Variants in NFIB observed in about 807,000 individuals in gnomAD.
The protein encoded by NFIB is nuclear factor 1 B-type.
NFIB carries 11 observed loss-of-function variants against 61.5 expected under a neutral mutation model. The observed-to-expected ratio is 0.18, with a 90% CI of 0.11 to 0.30. The LOEUF (loss-of-function observed/expected upper bound fraction) is 0.30. Among genes scored for constraint, NFIB ranks in the 10% least tolerant of loss-of-function variants. The probability of loss-of-function intolerance (pLI) is 1.00; values close to 1 mark genes in which losing one functional copy is unlikely to be tolerated. For missense variants in NFIB, 471 were observed against 608.9 expected (o/e 0.77, Z 2.38); for synonymous variants, 260 against 216.5 (o/e 1.20, Z -1.76).
At chr9:14,490,217 T>G in the NFIB span, among the ~76,000 whole-genome samples, 4 of 152,180 alleles carry the variant, frequency 2.6e-5, no homozygotes, top group African/African-American at 9.6e-5. Flanking sequence ...GCATTTCATA[T>G]GAATCAAAGT....
At chr9:14,482,557 C>G in the NFIB span, among the ~76,000 whole-genome samples, 7 of 152,200 alleles carry the variant, frequency 4.6e-5, no homozygotes, top group African/African-American at 1.7e-4. Flanking sequence ...ATTCTTGGGA[C>G]AAGTGATACA....
chr9:14,497,093 T>C, the NFIB span, among the ~76,000 whole-genome samples: 1 of 152,248 alleles, frequency 6.6e-6, no homozygotes, highest in South Asian at 2.1e-4. Flanking sequence ...GTCCAAGCTG[T>C]ACTACTTGAA....
At chr9:14,400,789 G>T (rs2061735410), upstream of NFIB, among the ~76,000 whole-genome samples, 1 of 152,170 alleles carries the variant, frequency 6.6e-6, no homozygotes, top group Non-Finnish European at 1.5e-5. Context: ...GACATCTGCT[G>T]GCCTTGCTAA....
At chr9:14,229,100 A>G (rs1228855432) in intron 2 of NFIB, among the ~76,000 whole-genome samples, 1 of 152,042 alleles carries the variant, frequency 6.6e-6, no homozygotes, top group Non-Finnish European at 1.5e-5. Flanking sequence ...TAAATATCAC[A>G]GGAAAATCAA....
the NFIB span, among the ~76,000 whole-genome samples, chr9:14,457,701 C>A: frequency 6.6e-6 from 1 of 152,040 alleles, no homozygotes; most frequent in Non-Finnish European, 1.5e-5. Flanking sequence ...ACCGATCCCA[C>A]AGAAATACAA....
chr9:14,242,203 AT>A (rs1292217674), intron 2 of NFIB, among the ~76,000 whole-genome samples: 8 of 152,228 alleles, frequency 5.3e-5, no homozygotes, highest in Admixed American at 3.9e-4. Context: ...AAATGAGCAC[AT>A]TATCTGCACA....
chr9:14,322,041 C>G, intron 1 of NFIB: 3 of 1,198,610 alleles, frequency 2.5e-6, no homozygotes, highest in Non-Finnish European at 3.1e-6. Context: ...TGGATTTTCT[C>G]AGGGGTTGTT....
intron 2 of NFIB, among the ~76,000 whole-genome samples, chr9:14,228,956 G>A (rs932939346): frequency 6.6e-6 from 1 of 150,750 alleles, no homozygotes; most frequent in East Asian, 1.9e-4. Context: ...AAATTTTCAG[G>A]TAGTTGTTTT....
chr9:14,304,303 C>A (rs955965538), intron 2 of NFIB, among the ~76,000 whole-genome samples: 2 of 152,154 alleles, frequency 1.3e-5, no homozygotes, highest in Non-Finnish European at 2.9e-5. Context: ...AGTTGGTCAA[C>A]AATGAAACTT....
intron 2 of NFIB, among the ~76,000 whole-genome samples, chr9:14,183,861 T>A (rs9776572): frequency 6.6e-6 from 1 of 151,906 alleles, no homozygotes; most frequent in Non-Finnish European, 1.5e-5. Flanking sequence ...GGGTTTCATG[T>A]TCCCCATTCT....
In NFIB at chr9:14,153,288, C is replaced by T. The variant is rs141789965; in HGVS notation, c.685+2537G>A. On this transcript the variant is annotated intron_variant, in intron 4 of 10. Transcript: ENST00000380953. ...AGAAAGGAAAGTAGATTAACAAACA[C>T]GGCCAAAGTACTAAAACAACACACA... Among the ~76,000 whole-genome samples, 13 of 152,174 alleles carry T rather than the reference C, an allele frequency of 8.5e-5. 1 individual carries two copies. Among genetic ancestry groups the T allele is most frequent in the Admixed American group, 3.9e-4 (6 of 15,252 alleles).
intron 6 of NFIB, among the ~76,000 whole-genome samples, chr9:14,142,908 T>A (rs6474820): frequency 6.6e-6 from 1 of 151,912 alleles, no homozygotes; most frequent in Non-Finnish European, 1.5e-5. Context: ...ATAACAGTTG[T>A]TGGATACCCC....
chr9:14,171,487 G>C (rs779967795), intron 3 of NFIB, among the ~76,000 whole-genome samples: 3 of 152,092 alleles, frequency 2.0e-5, no homozygotes, highest in Non-Finnish European at 4.4e-5. Context: ...TCAATTTCAG[G>C]CAAGAAACAG....
chr9:14,358,875 A>G (rs2061206865), intron 1 of NFIB, among the ~76,000 whole-genome samples: 1 of 152,260 alleles, frequency 6.6e-6, no homozygotes, highest in South Asian at 2.1e-4. Flanking sequence ...TTATAATTAA[A>G]TTATGTTAAA....
At chr9:14,101,334 A>C (rs1052284878) in intron 10 of NFIB, among the ~76,000 whole-genome samples, 1 of 152,220 alleles carries the variant, frequency 6.6e-6, no homozygotes, top group South Asian at 2.1e-4. Context: ...ATAAAAAGTC[A>C]TTGTTTTTAA....
intron 3 of NFIB, among the ~76,000 whole-genome samples, chr9:14,174,633 A>G (rs192925995): frequency 2.6e-3 from 388 of 151,934 alleles, no homozygotes; most frequent in Non-Finnish European, 4.6e-3. Flanking sequence ...CAGGCACGGT[A>G]GCAGGCGCCT....
chr9:14,240,159 G>A (rs1045309465), intron 2 of NFIB, among the ~76,000 whole-genome samples: 2 of 151,982 alleles, frequency 1.3e-5, no homozygotes, highest in Middle Eastern at 3.2e-3. Context: ...TGTAGCCTAT[G>A]GAAACATTTT....
intron 2 of NFIB, among the ~76,000 whole-genome samples, chr9:14,196,998 T>C (rs904908529): frequency 7.2e-5 from 11 of 152,212 alleles, no homozygotes; most frequent in Non-Finnish European, 4.4e-5. Context: ...TCATATACAT[T>C]GGTACAATTA....
intron 10 of NFIB, among the ~76,000 whole-genome samples, chr9:14,104,161 C>T (rs1563787954): frequency 6.6e-6 from 1 of 152,020 alleles, no homozygotes; most frequent in Admixed American, 6.5e-5. Context: ...GATCCGCCCA[C>T]CTCAGCCTCC....
Sources: allele counts gnomAD v4.1 joint callset (sites outside exome capture counted in the v4.1 genomes callset), GRCh38; gene constraint gnomAD v4.1.1; transcripts MANE v1.5; gene names NCBI Gene and HGNC (gene_info 2026-07-23, HGNC 2026-07-21).